The following MYOC variants were observed in gnomAD, a reference collection of about 807,000 sequenced individuals.
MYOC encodes the protein juvenile-onset open-angle glaucoma 1.
Under a neutral mutation model 28.2 loss-of-function variants are expected in MYOC, and 29 were observed. That is an observed-to-expected ratio of 1.03 (90% CI 0.77 to 1.40). MYOC has a LOEUF of 1.40. Among genes scored for constraint, MYOC ranks in the 40% most tolerant of loss-of-function variants. The probability of loss-of-function intolerance (pLI) is 0.00; values close to 1 mark genes in which losing one functional copy is unlikely to be tolerated. For synonymous variants in MYOC, 240 were observed against 245.6 expected, an observed-to-expected ratio of 0.98 and a Z score of 0.21; for missense variants, 569 against 620.6, an observed-to-expected ratio of 0.92 and a Z score of 0.88.
At chr1:171,649,964 G>A (rs1477852739) in intron 1 of MYOC, among the ~76,000 whole-genome samples, 1 of 152,114 alleles carries the variant, frequency 6.6e-6, no homozygotes, top group Non-Finnish European at 1.5e-5. Flanking sequence ...TCCCTTTCCA[G>A]TTCCACATTC....
At chr1:171,641,909 G>A (rs1400976696) in intron 1 of MYOC, among the ~76,000 whole-genome samples, 1 of 152,218 alleles carries the variant, frequency 6.6e-6, no homozygotes, top group Non-Finnish European at 1.5e-5. Flanking sequence ...CAGGCAGAGA[G>A]GATCACCACA....
At position 171,652,358 on chromosome 1, in the gene MYOC, AG is replaced by A; in HGVS notation, c.253del (p.Leu85TrpfsTer18). On this transcript the variant is annotated frameshift_variant, in exon 1 of 3. Transcript: ENST00000037502. LOFTEE classifies it high-confidence loss of function. ...QRDSSTQRLD[L>X]EATKARLSSL... is the part of the protein sequence containing the mutation. ...GCTGAGTCGAGCTTTGGTGGCCTCC[AG>A]GTCTAAGCGTTGGGTGCTGCTGTCT... is the stretch of plus-strand genomic sequence containing the variant. 6.2e-7 allele frequency: 1 copy of A among 1,611,216 alleles called. No individual in the cohort carries two copies. Among genetic ancestry groups the A allele is most frequent in the South Asian group, 1.1e-5 (1 of 90,966 alleles).
At chr1:171,646,155 G>A (rs770482407) in intron 1 of MYOC, among the ~76,000 whole-genome samples, 1 of 152,180 alleles carries the variant, frequency 6.6e-6, no homozygotes, top group Non-Finnish European at 1.5e-5. Context: ...AAACCCAAAG[G>A]CAGGGAAACA....
At chr1:171,641,688 A>G (rs1653079699) in intron 1 of MYOC, among the ~76,000 whole-genome samples, 2 of 152,216 alleles carry the variant, frequency 1.3e-5, no homozygotes, top group African/African-American at 2.4e-5. Context: ...AGACATGCTT[A>G]ATACACTGGG....
chr1:171,643,859 A>C (rs867474582), intron 1 of MYOC, among the ~76,000 whole-genome samples: 1 of 151,672 alleles, frequency 6.6e-6, no homozygotes, highest in Non-Finnish European at 1.5e-5. Flanking sequence ...TAATCTCAGC[A>C]ACTAGGGAGG....
chr1:171,644,282 A>T (rs189416235), intron 1 of MYOC, among the ~76,000 whole-genome samples: 28 of 151,930 alleles, frequency 1.8e-4, no homozygotes, highest in Middle Eastern at 3.4e-3. Flanking sequence ...TTAGGTTTTT[A>T]AAAAAATATT....
chr1:171,641,604 G>A (rs1361697734), intron 1 of MYOC, among the ~76,000 whole-genome samples: 1 of 152,152 alleles, frequency 6.6e-6, no homozygotes, highest in Non-Finnish European at 1.5e-5. Flanking sequence ...GCTAACCGTA[G>A]GAACTGGCTA....
chr1:171,639,978 T>C (rs1572212384), intron 1 of MYOC, among the ~76,000 whole-genome samples: 2 of 75,014 alleles, frequency 2.7e-5, no homozygotes, highest in Non-Finnish European at 5.3e-5. Flanking sequence ...AAAAAAGAAG[T>C]GTGGCTCATG....
intron 1 of MYOC, among the ~76,000 whole-genome samples, chr1:171,651,327 A>G (rs1362423344): frequency 2.1e-5 from 3 of 141,436 alleles, no homozygotes; most frequent in Non-Finnish European, 4.6e-5. Flanking sequence ...GACCTCCCCC[A>G]ACACCTCACC....
At position 171,635,872 on chromosome 1, in the gene MYOC, C is replaced by A. The variant is rs888669191; in HGVS notation, c.*53G>T. 6.3e-6 allele frequency: 10 copies of A among 1,598,142 alleles called. No individual in the cohort carries two copies. The East Asian group carries it at 1.6e-4, about 25-fold the overall frequency. On this transcript the variant is annotated 3_prime_UTR_variant, in exon 3 of 3. Coordinates refer to ENST00000037502, the MANE Select transcript of MYOC (RefSeq NM_000261.2). Reference sequence around the variant, plus strand: ...TGGCTCTCCCTTCAGCCTGCTCCCCCCAGGAGCCCTGAGCATCTCCTTCTG... The same window carrying A: ...TGGCTCTCCCTTCAGCCTGCTCCCCACAGGAGCCCTGAGCATCTCCTTCTG...
chr1:171,647,890 C>T (rs1157229928), intron 1 of MYOC, among the ~76,000 whole-genome samples: 1 of 151,948 alleles, frequency 6.6e-6, no homozygotes, highest in Non-Finnish European at 1.5e-5. Context: ...AGAAAGTCTA[C>T]AAGAACAGGC....
In MYOC at chr1:171,636,166, G is replaced by T. The variant is rs1164030447; in HGVS notation, c.1274C>A (p.Ser425Ter). Reference sequence around the variant, plus strand: ...ACAGATGATGAAGGCATTGGCGACTGACTGCTTACGGATGTTTGTCTCCCA... The same window carrying T: ...ACAGATGATGAAGGCATTGGCGACTTACTGCTTACGGATGTTTGTCTCCCA... The part of the protein sequence containing the change: ...QTWETNIRKQ[S>*]VANAFIICGT... Residue 425 changes from serine (S) to a stop codon, truncating the protein, a stop_gained, in exon 3 of 3, where the codon TCA (serine) becomes TAA (stop). Transcript: ENST00000037502. LOFTEE classifies it low-confidence loss of function (END_TRUNC). The T allele has an allele frequency of 6.2e-7, 1 of 1,614,194 alleles. No homozygotes were observed. The highest frequency in any genetic ancestry group is 1.7e-5 in the Admixed American group (1 of 60,022).
At chr1:171,650,197 TAC>T (rs372143697) in intron 1 of MYOC, among the ~76,000 whole-genome samples, 28 of 151,346 alleles carry the variant, frequency 1.9e-4, no homozygotes, top group Non-Finnish European at 2.8e-4. Flanking sequence ...ACTATTTTTG[TAC>T]ACACACACAC....
At chr1:171,645,238 C>T (rs1316308733) in intron 1 of MYOC, among the ~76,000 whole-genome samples, 1 of 152,178 alleles carries the variant, frequency 6.6e-6, no homozygotes, top group African/African-American at 2.4e-5. Context: ...TCTGTGACCT[C>T]ACAGCCACAG....
intron 2 of MYOC, 98 bp downstream of exon 2, chr1:171,638,499 C>G (rs1248826985): frequency 6.9e-7 from 1 of 1,441,968 alleles, no homozygotes; most frequent in Non-Finnish European, 9.7e-7. Context: ...TAATTTCCCC[C>G]TTGGGTGGGC....
intron 1 of MYOC, among the ~76,000 whole-genome samples, chr1:171,643,233 C>G (rs1653119538): frequency 2.0e-5 from 3 of 152,172 alleles, no homozygotes; most frequent in Admixed American, 2.0e-4. Flanking sequence ...CCCTTCTCCC[C>G]CTGTGCAGGC....
rs146606638 is a variant in MYOC at position 171,636,585 on chromosome 1, C to T, written c.855G>A (p.Thr285=). Residue 285 remains threonine, a synonymous_variant, in exon 3 of 3, where the codon ACG becomes ACA. Transcript: ENST00000037502. ...KPTYPYTQET[T]WRIDTVGTDV... ...CCGTGCCAACTGTGTCGATTCTCCA[C>T]GTGGTCTCCTGGGTGTAGGGGTAGG... The T allele has an allele frequency of 3.7e-6, 6 of 1,611,390 alleles. No individual in the cohort carries two copies. In the South Asian group the frequency reaches 4.4e-5, roughly 12 times the overall value.
At chr1:171,646,543 C>T (rs1181457066) in intron 1 of MYOC, among the ~76,000 whole-genome samples, 2 of 148,376 alleles carry the variant, frequency 1.3e-5, no homozygotes, top group Non-Finnish European at 3.0e-5. Flanking sequence ...GTCACCCAGG[C>T]TGGAGTACAG....
At chr1:171,651,244 C>T (rs996297055) in intron 1 of MYOC, among the ~76,000 whole-genome samples, 4 of 152,134 alleles carry the variant, frequency 2.6e-5, no homozygotes, top group Non-Finnish European at 4.4e-5. Context: ...TAGAACACTT[C>T]CTCAACAGGG....
Sources: allele counts gnomAD v4.1 joint callset (sites outside exome capture counted in the v4.1 genomes callset), GRCh38; gene constraint gnomAD v4.1.1; transcripts MANE v1.5; gene names NCBI Gene and HGNC (gene_info 2026-07-23, HGNC 2026-07-21).